Variants in DNAH7 observed in about 807,000 individuals in gnomAD.
DNAH7 encodes dynein axonemal heavy chain 7.
Under a neutral mutation model 444.6 loss-of-function variants are expected in DNAH7, and 397 were observed. That is an observed-to-expected ratio of 0.89 (90% CI 0.82 to 0.97). DNAH7 has a LOEUF of 0.97. Among genes scored for constraint, DNAH7 ranks in the 50% least tolerant of loss-of-function variants. The pLI is 0.00. For synonymous variants in DNAH7, 1,636 were observed against 1,624.4 expected, an observed-to-expected ratio of 1.01 and a Z score of -0.17; for missense variants, 4,902 against 4,800.8, an observed-to-expected ratio of 1.02 and a Z score of -0.62.
chr2:196,040,065 G>T (rs754378704), intron 5 of DNAH7, among the ~76,000 whole-genome samples: 1 of 151,952 alleles, frequency 6.6e-6, no homozygotes, highest in African/African-American at 2.4e-5. Context: ...TGAGTAATGA[G>T]ATTGAAACAG....
At chr2:195,830,533 C>G (rs1698014853) in intron 48 of DNAH7, among the ~76,000 whole-genome samples, 1 of 152,094 alleles carries the variant, frequency 6.6e-6, no homozygotes, top group Non-Finnish European at 1.5e-5. Context: ...ATCAGGTGCC[C>G]TTAAGCAGCT....
At chr2:195,955,068 C>A (rs1326842896) in intron 19 of DNAH7, among the ~76,000 whole-genome samples, 1 of 152,128 alleles carries the variant, frequency 6.6e-6, no homozygotes, top group Non-Finnish European at 1.5e-5. Context: ...GTTGCCATGG[C>A]TTTTGGTGTT....
At chr2:195,812,416 C>G (rs1431137548) in intron 51 of DNAH7, among the ~76,000 whole-genome samples, 1 of 152,128 alleles carries the variant, frequency 6.6e-6, no homozygotes, top group Non-Finnish European at 1.5e-5. Flanking sequence ...CATATTTGTA[C>G]AGCAACAGAT....
chr2:196,004,704 C>A (rs898444377), intron 10 of DNAH7, among the ~76,000 whole-genome samples: 1 of 151,848 alleles, frequency 6.6e-6, no homozygotes, highest in Non-Finnish European at 1.5e-5. Flanking sequence ...AATCCCAGCA[C>A]TTTGGGAGGC....
chr2:195,777,979 G>A lies in DNAH7; in HGVS notation c.10885C>T (p.Pro3629Ser), dbSNP rs1695141854. Reference protein sequence around the residue: ...HMFLNQYEELPYEALRYMTGE... With the variant: ...HMFLNQYEELSYEALRYMTGE... ...GTCATGTACCGCAGAGCCTCATACG[G>A]CAGTTCCTAAAATAGTGCGTGTCAG... The change falls in exon 59 of 65, where the codon CCG (proline) becomes TCG (serine). Residue 3629 changes from proline (P) to serine (S), a missense_variant. Transcript: ENST00000312428. 6.2e-7 allele frequency: 1 copy of A among 1,608,748 alleles called. No individual in the cohort carries two copies. The highest frequency in any genetic ancestry group is 8.5e-7 in the Non-Finnish European group (1 of 1,176,642).
chr2:195,762,744 C>T (rs1694404134), intron 61 of DNAH7, among the ~76,000 whole-genome samples: 1 of 152,104 alleles, frequency 6.6e-6, no homozygotes, highest in African/African-American at 2.4e-5. Flanking sequence ...ACTATTACAG[C>T]CAAAGAGAGA....
At chr2:196,041,399 A>C (rs1056441675) in intron 5 of DNAH7, among the ~76,000 whole-genome samples, 1 of 152,178 alleles carries the variant, frequency 6.6e-6, no homozygotes, top group Admixed American at 6.5e-5. Context: ...GAAAGCATAA[A>C]TAAATCCATG....
chr2:195,943,798 T>A (rs1205435353), intron 19 of DNAH7, among the ~76,000 whole-genome samples: 1 of 152,200 alleles, frequency 6.6e-6, no homozygotes. Flanking sequence ...TTGGACAATA[T>A]ATTAAATGAT....
intron 58 of DNAH7, among the ~76,000 whole-genome samples, chr2:195,781,678 C>CACACACA (rs1440392130): frequency 6.6e-6 from 1 of 151,990 alleles, no homozygotes; most frequent in Non-Finnish European, 1.5e-5. Flanking sequence ...AAAACACACA[C>CACACACA]ACACACACAA....
At chr2:195,826,349 G>A (rs1187369209) in intron 48 of DNAH7, among the ~76,000 whole-genome samples, 3 of 152,150 alleles carry the variant, frequency 2.0e-5, no homozygotes, top group Non-Finnish European at 4.4e-5. Context: ...TGCTGGCACT[G>A]TATTTTCTTG....
At position 195,845,048 on chromosome 2, in the gene DNAH7, C is replaced by G; in HGVS notation, c.8899G>C (p.Gly2967Arg). 6.2e-7 allele frequency: 1 copy of G among 1,613,642 alleles called. No individual in the cohort carries two copies. Among genetic ancestry groups the G allele is most frequent in the South Asian group, 1.1e-5 (1 of 91,036 alleles). Reference sequence around the variant, plus strand: ...ATGGAAAATGAGTCAGAAGGTAATCCAGCAATATTCCAAGTTCGAATTGTC... The same window carrying G: ...ATGGAAAATGAGTCAGAAGGTAATCGAGCAATATTCCAAGTTCGAATTGTC... ...AVTIRTWNIA[G>R]LPSDSFSIDN... is the part of the protein sequence containing the mutation. The change falls in exon 47 of 65, where the codon GGA becomes CGA. Residue 2967 changes from glycine to arginine, a missense_variant. Coordinates refer to ENST00000312428, the MANE Select transcript of DNAH7 (RefSeq NM_018897.3).
intron 42 of DNAH7, among the ~76,000 whole-genome samples, chr2:195,859,350 T>G (rs947734739): frequency 2.6e-5 from 4 of 152,202 alleles, no homozygotes; most frequent in Admixed American, 2.0e-4. Flanking sequence ...CCCTGTTTGG[T>G]GCAAAATGAT....
intron 8 of DNAH7, 113 bp from the exon 9 acceptor site, chr2:196,019,408 T>TAA: frequency 1.3e-6 from 1 of 769,836 alleles, no homozygotes. Flanking sequence ...GTATCCCTCA[T>TAA]CATAATAACA....
chr2:195,884,697 C>A lies in DNAH7; in HGVS notation c.5651G>T (p.Arg1884Leu). The change falls in exon 35 of 65, where the codon CGA becomes CTA. Residue 1884 changes from arginine (R) to leucine (L), a missense_variant. Transcript: ENST00000312428. ...CTGTAATTTAAACGTATTTCGAGTT[C>A]GATCTGAAATTGGACTTTCCATTAG... ...RELMESPISD[R>L]TRNTFKLQSG... is the part of the protein sequence containing the mutation. 6.2e-7 allele frequency: 1 copy of A among 1,614,030 alleles called. No individual in the cohort carries two copies. The highest frequency in any genetic ancestry group is 1.1e-5 in the South Asian group (1 of 91,064).
At chr2:195,843,967 G>A (rs1698835135) in intron 47 of DNAH7, among the ~76,000 whole-genome samples, 1 of 151,768 alleles carries the variant, frequency 6.6e-6, no homozygotes, top group Non-Finnish European at 1.5e-5. Flanking sequence ...GTGGTGGCAG[G>A]TGCCTGTAGT....
intron 25 of DNAH7, among the ~76,000 whole-genome samples, chr2:195,909,767 A>C (rs1465322840): frequency 6.6e-6 from 1 of 152,174 alleles, no homozygotes; most frequent in African/African-American, 2.4e-5. Flanking sequence ...TATCTGCTCC[A>C]ATGTATTTAA....
At chr2:195,835,817 C>T (rs1051004921) in intron 47 of DNAH7, among the ~76,000 whole-genome samples, 1 of 152,168 alleles carries the variant, frequency 6.6e-6, no homozygotes, top group Non-Finnish European at 1.5e-5. Flanking sequence ...GCACTCCAGC[C>T]TGGCGGCAGA....
intron 9 of DNAH7, among the ~76,000 whole-genome samples, chr2:196,017,641 T>G (rs536061884): frequency 1.3e-5 from 2 of 152,250 alleles, no homozygotes; most frequent in African/African-American, 4.8e-5. Context: ...TACTATAAAT[T>G]CTGTAGATTT....
Position 195,853,345 on chromosome 2 carries a change from G to A in DNAH7, c.8779C>T (p.Gln2927Ter), listed in dbSNP as rs374570869. 4 of 1,613,574 alleles carry A rather than the reference G, an allele frequency of 2.5e-6. No homozygotes were observed. The highest frequency in any genetic ancestry group is 3.4e-6 in the Non-Finnish European group (4 of 1,179,792). Residue 2927 changes from glutamine (Q) to a stop codon, truncating the protein, a stop_gained and splice_region_variant, in exon 46 of 65, where the codon CAG (glutamine) becomes TAG (stop). Coordinates refer to ENST00000312428, the MANE Select transcript of DNAH7 (RefSeq NM_018897.3). LOFTEE classifies it high-confidence loss of function. Reference protein sequence around the residue: ...YLGAFTSTYRQNQTKEWTTLC... With the variant: ...YLGAFTSTYR ...AGAGATGGAATAGTGTCCCTTACCT[G>A]TCTATAGGTGGATGTGAAGGCTCCG...
Sources: allele counts gnomAD v4.1 joint callset (sites outside exome capture counted in the v4.1 genomes callset), GRCh38; gene constraint gnomAD v4.1.1; transcripts MANE v1.5; gene names NCBI Gene and HGNC (gene_info 2026-07-23, HGNC 2026-07-21).